Variants in TWF2 observed in about 807,000 individuals in gnomAD.
The protein encoded by TWF2 is twinfilin-2.
TWF2 carries 15 observed loss-of-function variants against 45.1 expected under a neutral mutation model. The observed-to-expected ratio is 0.33, with a 90% CI of 0.22 to 0.51. The LOEUF (loss-of-function observed/expected upper bound fraction) is 0.51. Ranked by LOEUF, TWF2 falls within the 20% of genes least tolerant of loss-of-function variation. The pLI is 0.97. For missense variants in TWF2, 423 were observed against 469.1 expected (o/e 0.90, Z 0.91); for synonymous variants, 177 against 195.8 (o/e 0.90, Z 0.80).
intron 4 of TWF2, 23 bp downstream of exon 4, chr3:52,231,421 G>C (rs368534182): frequency 6.2e-7 from 1 of 1,610,158 alleles, no homozygotes; most frequent in Non-Finnish European, 8.5e-7. Flanking sequence ...ATTGTGTCCC[G>C]GTAAGTCCTG....
intron 1 of TWF2, among the ~76,000 whole-genome samples, chr3:52,236,621 G>A (rs1294388920): frequency 6.6e-6 from 1 of 152,188 alleles, no homozygotes; most frequent in Non-Finnish European, 1.5e-5. Context: ...GGCAACTCAG[G>A]GGCGGGGGGG....
chr3:52,230,833 G>C (rs755910062), intron 6 of TWF2, 37 bp downstream of exon 6: 1 of 1,602,422 alleles, frequency 6.2e-7, no homozygotes, highest in Admixed American at 1.7e-5. Flanking sequence ...AGTAGGGGTG[G>C]TGGCAGCATG....
intron 1 of TWF2, among the ~76,000 whole-genome samples, chr3:52,238,173 C>G (rs961811646): frequency 6.6e-6 from 1 of 152,172 alleles, no homozygotes; most frequent in Non-Finnish European, 1.5e-5. Flanking sequence ...AGGGCCAGGA[C>G]TCTCCCCACA....
chr3:52,228,869 A>G lies in TWF2; in HGVS notation c.*165T>C. 1 of 1,070,568 alleles carries G rather than the reference A, an allele frequency of 9.3e-7. No homozygotes were observed. Among genetic ancestry groups the G allele is most frequent in the Non-Finnish European group, 1.3e-6 (1 of 766,692 alleles). 66.3% of individuals were successfully genotyped at this position (1,070,568 alleles called of 1,614,324 possible). ...GCAGGGACAGCAACAGGGAAGGGTC[A>G]CAAAATGCCAGCCCGGTGGCCCTCG... On this transcript the variant is annotated 3_prime_UTR_variant, in exon 9 of 9. Transcript: ENST00000305533.
At position 52,231,382 on chromosome 3, in the gene TWF2, G is replaced by T. The variant is rs998717428; in HGVS notation, c.378+62C>A. On this transcript the variant is annotated intron_variant, in intron 4 of 8. Transcript: ENST00000305533. The stretch of plus-strand genomic sequence containing the variant: ...TGGCACTAGCTTGCTCTCTGACCCT[G>T]CACAGTGACCCCTCTCTGTGGGCCC... 1.9e-6 allele frequency: 3 copies of T among 1,590,714 alleles called. No homozygotes were observed. In the African/African-American group the frequency reaches 4.0e-5, roughly 21 times the overall value.
chr3:52,233,111 T>G (rs1003801802), intron 2 of TWF2, among the ~76,000 whole-genome samples: 1 of 152,254 alleles, frequency 6.6e-6, no homozygotes, highest in African/African-American at 2.4e-5. Flanking sequence ...GGCATCCAGC[T>G]GCACTTGTAG....
At position 52,232,069 on chromosome 3, in the gene TWF2, A is replaced by G; in HGVS notation, c.157T>C (p.Tyr53His). The change falls in exon 3 of 9, where the codon TAT becomes CAT. Residue 53 changes from tyrosine to histidine, a missense_variant. Physicochemically the swap from Tyr to His is moderately conservative, Grantham distance 83. Coordinates refer to ENST00000305533, the MANE Select transcript of TWF2 (RefSeq NM_007284.4). ...AGCAGTGGCAGCACGGCCCTGTCATAGTCCTGATCCCAGCGGCCTACTGGC... is the reference window on the plus strand; with the variant it reads ...AGCAGTGGCAGCACGGCCCTGTCATGGTCCTGATCCCAGCGGCCTACTGGC... ...QEPVGRWDQD[Y>H]DRAVLPLLDA... The G allele has an allele frequency of 1.2e-6, 2 of 1,613,516 alleles. No individual in the cohort carries two copies. The highest frequency in any genetic ancestry group is 2.2e-5 in the South Asian group (2 of 91,076).
At chr3:52,235,723 C>T (rs1338391560) in intron 1 of TWF2, among the ~76,000 whole-genome samples, 1 of 152,226 alleles carries the variant, frequency 6.6e-6, no homozygotes, top group Non-Finnish European at 1.5e-5. Flanking sequence ...TAGTCCCCGG[C>T]TTGCTAACAC....
At chr3:52,229,613 T>C (rs1298575171) in intron 8 of TWF2, 48 bp downstream of exon 8, 18 of 1,601,664 alleles carry the variant, frequency 1.1e-5, no homozygotes, top group Middle Eastern at 3.3e-4. Context: ...CACATGGAGA[T>C]TGGAGTGATA....
intron 2 of TWF2, among the ~76,000 whole-genome samples, chr3:52,233,780 G>A (rs1378105985): frequency 6.6e-6 from 1 of 152,076 alleles, no homozygotes; most frequent in East Asian, 1.9e-4. Context: ...CGGGCGCAGT[G>A]GTGGTCGCCT....
intron 4 of TWF2, 103 bp from the exon 5 acceptor site, chr3:52,231,334 C>A (rs552449786): frequency 1.3e-6 from 2 of 1,566,320 alleles, no homozygotes; most frequent in Non-Finnish European, 1.8e-6. Flanking sequence ...ACTCCCCCAG[C>A]GCCCCCATCT....
chr3:52,231,101 G>A (rs1296585083), intron 5 of TWF2, 26 bp downstream of exon 5: 3 of 1,613,748 alleles, frequency 1.9e-6, no homozygotes, highest in Admixed American at 1.7e-5. Flanking sequence ...GAGGGCTCAA[G>A]GCTGGGGCCT....
rs1048681709 is a variant in TWF2, at chr3:52,232,294, C to T, written c.104-172G>A. On this transcript the variant is annotated intron_variant, in intron 2 of 8. Coordinates refer to ENST00000305533, the MANE Select transcript of TWF2 (RefSeq NM_007284.4). ...GAGGCTGTGTGGCTGAATGAGTGAG[C>T]AAGGGAAGGCACAAAGCTGCCACCT... is the stretch of plus-strand genomic sequence containing the variant. 39 of 861,312 alleles carry T rather than the reference C, an allele frequency of 4.5e-5. No homozygotes were observed. The African/African-American group carries it at 6.2e-4, about 14-fold the overall frequency. The allele number at this position is 861,312 out of a possible 1,614,324, so 53.4% of individuals were successfully genotyped here. A position where few individuals can be genotyped will look rare whatever the true frequency, so the allele number is the denominator to read the frequency against.
rs1324944250 is a variant in TWF2, at chr3:52,239,120, C to A, written c.-104G>T. ...AGGTGGAGGATGTGGCGGAGGCTGTCGACCCTCGCGCAGCTTCCCGGGCGG... is the reference window on the plus strand; with the variant it reads ...AGGTGGAGGATGTGGCGGAGGCTGTAGACCCTCGCGCAGCTTCCCGGGCGG... On this transcript the variant is annotated 5_prime_UTR_variant, in exon 1 of 9. Transcript: ENST00000305533. 1.8e-5 allele frequency: 24 copies of A among 1,345,508 alleles called. No individual in the cohort carries two copies. Among genetic ancestry groups the A allele is most frequent in the South Asian group, 4.4e-5 (3 of 68,846 alleles). The allele number at this position is 1,345,508 out of a possible 1,614,324, so 83.3% of individuals were successfully genotyped here. A position where few individuals can be genotyped will look rare whatever the true frequency, so the allele number is the denominator to read the frequency against.
rs756619059 is a variant in TWF2 at position 52,230,018 on chromosome 3, T to G, written c.662A>C (p.Asp221Ala). The stretch of plus-strand genomic sequence containing the variant: ...CACCCGGGAGGGCAGCTGGGCCACA[T>G]CCGTGGGCTCTGTGTGCACCAGCTC... ...TIELVHTEPT[D>A]VAQLPSRVPR... is the part of the protein sequence containing the mutation. Residue 221 changes from aspartate (D) to alanine (A), a missense_variant, in exon 7 of 9, where the codon GAT becomes GCT. Transcript: ENST00000305533. 1 of 1,610,784 alleles carries G rather than the reference T, an allele frequency of 6.2e-7. No individual in the cohort carries two copies. The highest frequency in any genetic ancestry group is 1.7e-5 in the Admixed American group (1 of 59,792).
intron 8 of TWF2, 60 bp downstream of exon 8, chr3:52,229,601 C>A: frequency 6.3e-7 from 1 of 1,592,906 alleles, no homozygotes; most frequent in Admixed American, 1.7e-5. Flanking sequence ...ACCCCAGCGC[C>A]CCACATGGAG....
Position 52,238,987 on chromosome 3 carries a change from C to T in TWF2, c.25+5G>A, listed in dbSNP as rs747252453. 10 of 1,595,172 alleles carry T rather than the reference C, an allele frequency of 6.3e-6. No individual in the cohort carries two copies. In the Admixed American group the frequency reaches 1.7e-4, roughly 27 times the overall value. On this transcript the variant is annotated splice_donor_5th_base_variant and intron_variant, in intron 1 of 8. Transcript: ENST00000305533. ...GCCCCCTGCCCGCCCGCCATCCGCCCTCACCGTGGATGCCCGTTTGGTGCG... is the reference window on the plus strand; with the variant it reads ...GCCCCCTGCCCGCCCGCCATCCGCCTTCACCGTGGATGCCCGTTTGGTGCG...
intron 2 of TWF2, among the ~76,000 whole-genome samples, chr3:52,233,647 G>T (rs985561636): frequency 6.6e-6 from 1 of 152,244 alleles, no homozygotes; most frequent in South Asian, 2.1e-4. Context: ...CTTCAGGGAC[G>T]GCTGGGCACG....
Position 52,229,208 on chromosome 3 carries a change from G to T in TWF2, c.883-7C>A, listed in dbSNP as rs759069025. ...CCCCATCGCCAATCTCAATCTGCAT[G>T]GGGCAAGGCAGTGGTCACCCCAATG... On this transcript the variant is annotated splice_region_variant and splice_polypyrimidine_tract_variant and intron_variant, in intron 8 of 8. Transcript: ENST00000305533. The T allele has an allele frequency of 2.5e-6, 4 of 1,609,562 alleles. No homozygotes were observed. The highest frequency in any genetic ancestry group is 3.3e-5 in the Admixed American group (2 of 59,990).
Sources: gnomAD v4.1 joint callset for allele counts (sites outside exome capture counted in the v4.1 genomes callset) on GRCh38, gnomAD v4.1.1 for gene constraint, MANE v1.5 for transcripts, NCBI Gene and HGNC (gene_info 2026-07-23, HGNC 2026-07-21) for gene names.